CARHSP1: variants seen among roughly 807,000 people sequenced by gnomAD.
The protein encoded by CARHSP1 is calcium-regulated heat-stable protein 1.
CARHSP1 carries 14 observed loss-of-function variants against 12.5 expected under a neutral mutation model. The observed-to-expected ratio is 1.12, with a 90% CI of 0.74 to 1.75. CARHSP1 has a LOEUF of 1.75. Among genes scored for constraint, CARHSP1 ranks in the 40% most tolerant of loss-of-function variants. The pLI, the probability that CARHSP1 is intolerant of heterozygous loss-of-function variation, is 0.00. For synonymous variants in CARHSP1, 161 were observed against 82.0 expected (o/e 1.96, Z -5.20); for missense variants, 343 against 201.6 (o/e 1.70, Z -4.25).
chr16:8,857,249 T>C (rs1354292399), intron 3 of CARHSP1, among the ~76,000 whole-genome samples: 3 of 140,980 alleles, frequency 2.1e-5, no homozygotes, highest in African/African-American at 7.9e-5. Context: ...GGCTATGTGA[T>C]CTTGGGCAGA....
chr16:8,858,870 A>G, intron 2 of CARHSP1: 2 of 411,192 alleles, frequency 4.9e-6, no homozygotes, highest in Non-Finnish European at 8.7e-6. Flanking sequence ...TTGCAGCTGC[A>G]GAATTCACAG....
intron 1 of CARHSP1, chr16:8,860,213 G>A: frequency 2.0e-6 from 2 of 985,310 alleles, no homozygotes; most frequent in South Asian, 4.7e-5. Flanking sequence ...AGGACTGGGG[G>A]GCCTGCTGCG....
chr16:8,859,109 A>C, intron 2 of CARHSP1, 62 bp downstream of exon 2: 1 of 1,447,100 alleles, frequency 6.9e-7, no homozygotes, highest in East Asian at 2.4e-5. Context: ...AGACACAGTG[A>C]ATCTCTGGCC....
chr16:8,859,616 G>C (rs1000345225), intron 1 of CARHSP1, among the ~76,000 whole-genome samples: 1 of 152,088 alleles, frequency 6.6e-6, no homozygotes, highest in African/African-American at 2.4e-5. Flanking sequence ...CCCAGCACAA[G>C]GCATGGATCC....
At chr16:8,858,517 G>GA in intron 2 of CARHSP1, 45 bp from the exon 3 acceptor site, 2 of 1,602,278 alleles carry the variant, frequency 1.2e-6, no homozygotes. Flanking sequence ...AGCGCTCCTG[G>GA]GCACACAAAG....
chr16:8,861,502 G>T, intron 1 of CARHSP1: 2 of 812,682 alleles, frequency 2.5e-6, no homozygotes, highest in Non-Finnish European at 3.4e-6. Flanking sequence ...TTCAAGCATA[G>T]CCACCCAAGA....
chr16:8,859,376 G>A (rs536283684), intron 1 of CARHSP1, 41 bp from the exon 2 acceptor site: 4 of 1,565,240 alleles, frequency 2.6e-6, no homozygotes, highest in African/African-American at 2.7e-5. Flanking sequence ...TGCCTTGCAA[G>A]GTAGGGACCC....
chr16:8,868,359 C>A (rs1160764103), intron 1 of CARHSP1: 1 of 152,158 alleles, frequency 6.6e-6, no homozygotes, highest in Non-Finnish European at 1.5e-5. Context: ...GGAAAGGGGG[C>A]CTGTGGGCGC....
chr16:8,865,367 C>T (rs1205222023), intron 1 of CARHSP1, among the ~76,000 whole-genome samples: 1 of 152,216 alleles, frequency 6.6e-6, no homozygotes, highest in Non-Finnish European at 1.5e-5. Flanking sequence ...GCTTCAGCCT[C>T]CCAAAGTCCT....
chr16:8,860,583 G>A (rs1485198220), intron 1 of CARHSP1: 4 of 927,070 alleles, frequency 4.3e-6, no homozygotes, highest in East Asian at 1.2e-4. Flanking sequence ...TCTGCAAAGT[G>A]GGGCAGCTGG....
At chr16:8,861,672 T>A in intron 1 of CARHSP1, 1 of 1,289,034 alleles carries the variant, frequency 7.8e-7, no homozygotes. Flanking sequence ...CTACCTCCTG[T>A]CCCTTCTCTC....
chr16:8,862,124 T>G (rs2141117313), intron 1 of CARHSP1, among the ~76,000 whole-genome samples: 1 of 149,876 alleles, frequency 6.7e-6, no homozygotes, highest in South Asian at 2.2e-4. Flanking sequence ...TGCCTCAGCC[T>G]CCCAAGTAGC....
At position 8,860,239 on chromosome 16, in the gene CARHSP1, A is replaced by G. The variant is rs1044861014; in HGVS notation, c.-7-904T>C. On this transcript the variant is annotated intron_variant, in intron 1 of 3. Transcript: ENST00000311052. ...GCCTGCTGCGAGAGCCCAAAGGGAA[A>G]GGGAGAATTTCCAAGGCTGCATCCA... is the stretch of plus-strand genomic sequence containing the variant. The G allele has an allele frequency of 2.3e-5, 23 of 984,522 alleles. No homozygotes were observed. In the African/African-American group the frequency reaches 2.8e-4, roughly 12 times the overall value. The allele number at this position is 984,522 out of a possible 1,614,324, so 61.0% of individuals were successfully genotyped here. A position where few individuals can be genotyped will look rare whatever the true frequency, so the allele number is the denominator to read the frequency against.
chr16:8,863,511 G>A (rs1465029912), intron 1 of CARHSP1, among the ~76,000 whole-genome samples: 1 of 152,198 alleles, frequency 6.6e-6, no homozygotes, highest in Non-Finnish European at 1.5e-5. Context: ...AGCAGGAGGT[G>A]GCTACATTCC....
intron 1 of CARHSP1, among the ~76,000 whole-genome samples, chr16:8,863,856 G>A (rs2061411290): frequency 6.6e-6 from 1 of 152,168 alleles, no homozygotes; most frequent in Non-Finnish European, 1.5e-5. Context: ...ACATACACAA[G>A]GATGGGGCCA....
In CARHSP1 at chr16:8,858,417, G is replaced by C. The variant is rs776082130; in HGVS notation, c.214C>G (p.Arg72Gly). The change falls in exon 3 of 4, where the codon CGG (arginine) becomes GGG (glycine). Residue 72 changes from arginine to glycine, a missense_variant. Transcript: ENST00000311052. ...VYKGVCKCFC[R>G]SKGHGFITPA... ...GTAATGAAGCCATGGCCCTTGGACCGGCAGAAGCATTTGCAGACTCCTTTG... is the reference window on the plus strand; with the variant it reads ...GTAATGAAGCCATGGCCCTTGGACCCGCAGAAGCATTTGCAGACTCCTTTG... The C allele has an allele frequency of 6.2e-7, 1 of 1,613,906 alleles. No homozygotes were observed.
intron 1 of CARHSP1, among the ~76,000 whole-genome samples, chr16:8,862,743 G>T (rs534860207): frequency 1.3e-5 from 2 of 152,322 alleles, no homozygotes; most frequent in East Asian, 1.9e-4. Context: ...TGTGATGGGT[G>T]GGGGACTAGG....
In CARHSP1 at chr16:8,860,177, T is replaced by G. The variant is rs541693386; in HGVS notation, c.-7-842A>C. The G allele has an allele frequency of 8.6e-5, 85 of 985,412 alleles. No homozygotes were observed. The East Asian group carries it at 7.7e-3, about 90-fold the overall frequency. The allele number at this position is 985,412 out of a possible 1,614,324, so 61.0% of individuals were successfully genotyped here. A position where few individuals can be genotyped will look rare whatever the true frequency, so the allele number is the denominator to read the frequency against. On this transcript the variant is annotated intron_variant, in intron 1 of 3. Coordinates refer to ENST00000311052, the MANE Select transcript of CARHSP1 (RefSeq NM_014316.4). ...AGCTCAAGCGCCACGTTTGGATCCC[T>G]GAGCAGCTGTCACAAGCCTGCACCC... is the stretch of plus-strand genomic sequence containing the variant.
Position 8,861,199 on chromosome 16 carries a change from T to TTA in CARHSP1, c.-7-1865_-7-1864insTA, listed in dbSNP as rs1567187143. On this transcript the variant is annotated intron_variant, in intron 1 of 3. Coordinates refer to ENST00000311052, the MANE Select transcript of CARHSP1 (RefSeq NM_014316.4). Reference sequence around the variant, plus strand: ...TTTTTTTTTTTTTTTTTTTTTTTTTTATAGAGACAGGGTATCACTATGTTG... The same window carrying TTA: ...TTTTTTTTTTTTTTTTTTTTTTTTTTTAATAGAGACAGGGTATCACTATGTTG... Among the ~76,000 whole-genome samples, 10 of 60,606 alleles carry TTA rather than the reference T, an allele frequency of 1.6e-4. 3 individuals carry two copies. Among genetic ancestry groups the TTA allele is most frequent in the Non-Finnish European group, 2.3e-4 (7 of 30,854 alleles). 39.8% of individuals were successfully genotyped at this position (60,606 alleles called of 152,430 possible).
Sources: allele counts gnomAD v4.1 joint callset (sites outside exome capture counted in the v4.1 genomes callset), GRCh38; gene constraint gnomAD v4.1.1; transcripts MANE v1.5; gene names NCBI Gene and HGNC (gene_info 2026-07-23, HGNC 2026-07-21).